DNAH6: variants seen among roughly 807,000 people sequenced by gnomAD.
DNAH6 encodes axonemal beta dynein heavy chain 6.
A neutral mutation model predicts 491.4 loss-of-function variants in DNAH6; 340 were observed. The ratio of observed to expected loss-of-function variants is 0.69; its 90% CI spans 0.63 to 0.76. DNAH6 has a LOEUF of 0.76. Among genes scored for constraint, DNAH6 ranks in the 30% least tolerant of loss-of-function variants. The probability of loss-of-function intolerance (pLI) is 0.00; values close to 1 mark genes in which losing one functional copy is unlikely to be tolerated. For missense variants in DNAH6, 4,443 were observed against 4,972.2 expected, an observed-to-expected ratio of 0.89 and a Z score of 3.20; for synonymous variants, 1,603 against 1,686.1, an observed-to-expected ratio of 0.95 and a Z score of 1.21.
At position 84,720,167 on chromosome 2, in the gene DNAH6, A is replaced by G. The variant is rs148051005; in HGVS notation, c.9792+1783A>G. Among the ~76,000 whole-genome samples the G allele has an allele frequency of 5.6e-3, 852 of 151,836 alleles. 9 individuals carry two copies. Among genetic ancestry groups the G allele is most frequent in the African/African-American group, 0.02 (808 of 41,388 alleles). On this transcript the variant is annotated intron_variant, in intron 59 of 76. Coordinates refer to ENST00000389394, the MANE Select transcript of DNAH6 (RefSeq NM_001370.2). ...TCTATTTTTTCTGCCAGGGTGAGAA[A>G]GGGACAAACCCCTGGCCATGGGTGG...
chr2:84,728,359 C>G (rs1162096091), intron 61 of DNAH6, among the ~76,000 whole-genome samples: 1 of 152,210 alleles, frequency 6.6e-6, no homozygotes, highest in African/African-American at 2.4e-5. Flanking sequence ...TGTGGTGACT[C>G]TGGTGGCCGA....
chr2:84,640,570 C>A lies in DNAH6; in HGVS notation c.4962C>A (p.Val1654=). 1 of 1,545,830 alleles carries A rather than the reference C, an allele frequency of 6.5e-7. No individual in the cohort carries two copies. The highest frequency in any genetic ancestry group is 1.2e-5 in the South Asian group (1 of 82,436). ...TGAGAGCTGTGAAGTCTGTCCTGGTCATGGCTGGGTAAGAAACCAAAGTAG... is the reference window on the plus strand; with the variant it reads ...TGAGAGCTGTGAAGTCTGTCCTGGTAATGGCTGGGTAAGAAACCAAAGTAG... ...FGMRAVKSVL[V]MAGSLKRENP... Residue 1654 remains valine, a synonymous_variant, in exon 32 of 77, where the codon GTC becomes GTA. Coordinates refer to ENST00000389394, the MANE Select transcript of DNAH6 (RefSeq NM_001370.2).
the DNAH6 span, among the ~76,000 whole-genome samples, chr2:84,479,267 C>T: frequency 6.6e-6 from 1 of 152,170 alleles, no homozygotes. Flanking sequence ...CTTTGGGCTG[C>T]AGTATTAGAC....
intron 64 of DNAH6, among the ~76,000 whole-genome samples, chr2:84,775,672 T>C (rs1471617337): frequency 6.6e-6 from 1 of 152,174 alleles, no homozygotes; most frequent in African/African-American, 2.4e-5. Flanking sequence ...TTATTCCCAA[T>C]TCAATTTCAT....
intron 47 of DNAH6, among the ~76,000 whole-genome samples, chr2:84,699,324 TCA>T (rs1482454555): frequency 3.9e-5 from 6 of 152,158 alleles, no homozygotes; most frequent in African/African-American, 1.4e-4. Context: ...GGCCCTTTAT[TCA>T]AAGGATCTCC....
At chr2:84,617,072 A>G (rs1309873399) in intron 23 of DNAH6, 90 bp downstream of exon 23, 10 of 687,302 alleles carry the variant, frequency 1.5e-5, no homozygotes, top group African/African-American at 1.9e-5. Flanking sequence ...AGCATGAAGG[A>G]ACTAGAGAGA....
rs377654226 is a variant in DNAH6, at chr2:84,642,024, A to G, written c.5048A>G (p.Lys1683Arg). 1.4e-5 allele frequency: 22 copies of G among 1,550,822 alleles called. No individual in the cohort carries two copies. The African/African-American group carries it at 2.9e-4, about 20-fold the overall frequency. ...GCTTTACAAGACTCCAATTTGCCAA[A>G]ATTTCTAACAGATGATGCTCTTCTG... ...IRALQDSNLP[K>R]FLTDDALLFS... The change falls in exon 33 of 77, where the codon AAA (lysine) becomes AGA (arginine). Residue 1683 changes from lysine (K) to arginine (R), a missense_variant. Transcript: ENST00000389394.
At chr2:84,693,505 A>C (rs1464544887) in intron 45 of DNAH6, among the ~76,000 whole-genome samples, 1 of 152,070 alleles carries the variant, frequency 6.6e-6, no homozygotes, top group Non-Finnish European at 1.5e-5. Context: ...GTACTTTGGG[A>C]GGCCAAGGCA....
chr2:84,672,218 C>T, intron 39 of DNAH6, 109 bp from the exon 40 acceptor site: 4 of 1,149,516 alleles, frequency 3.5e-6, no homozygotes, highest in Non-Finnish European at 4.8e-6. Flanking sequence ...GAACTGAGCT[C>T]TTTATGACCT....
At chr2:84,622,970 A>G (rs1265997101) in intron 26 of DNAH6, among the ~76,000 whole-genome samples, 1 of 152,070 alleles carries the variant, frequency 6.6e-6, no homozygotes, top group Non-Finnish European at 1.5e-5. Flanking sequence ...AGCCCTTTAT[A>G]TGTCTTTTTC....
upstream of DNAH6, among the ~76,000 whole-genome samples, chr2:84,514,671 T>C (rs548127909): frequency 2.0e-5 from 3 of 152,238 alleles, no homozygotes; most frequent in South Asian, 6.2e-4. Context: ...CAATTATCTA[T>C]AAGAACTATA....
rs1696923662 is a variant in DNAH6 at position 84,710,422 on chromosome 2, T to C, written c.9378+10T>C. 6.4e-7 allele frequency: 1 copy of C among 1,551,496 alleles called. No individual in the cohort carries two copies. Among genetic ancestry groups the C allele is most frequent in the East Asian group, 2.4e-5 (1 of 40,898 alleles). On this transcript the variant is annotated intron_variant, in intron 56 of 76. Transcript: ENST00000389394. ...TGTCTTACTGGAAGAGGTTTGATTT[T>C]CACTTCCTTTTCTCATGTCAGTTCC...
chr2:84,609,069 C>T (rs1209420354), intron 21 of DNAH6, among the ~76,000 whole-genome samples: 1 of 152,198 alleles, frequency 6.6e-6, no homozygotes. Flanking sequence ...TCCACAGCTT[C>T]CTCACCTCTC....
intron 60 of DNAH6, among the ~76,000 whole-genome samples, chr2:84,724,703 C>T (rs1033825005): frequency 2.0e-5 from 3 of 152,184 alleles, no homozygotes; most frequent in African/African-American, 7.2e-5. Flanking sequence ...TGGGCTGTCA[C>T]TCATGGCACC....
At chr2:84,500,370 A>G in the DNAH6 span, among the ~76,000 whole-genome samples, 9 of 152,226 alleles carry the variant, frequency 5.9e-5, no homozygotes, top group East Asian at 3.9e-4. Context: ...TGGGTTCTCT[A>G]TTCTGTTCCA....
intron 38 of DNAH6, among the ~76,000 whole-genome samples, 200 bp downstream of exon 38, chr2:84,669,710 G>A (rs184270679): frequency 6.6e-6 from 1 of 152,176 alleles, no homozygotes; most frequent in African/African-American, 2.4e-5. Context: ...ACACATTCTT[G>A]GAGTTGATAC....
the DNAH6 span, among the ~76,000 whole-genome samples, chr2:84,510,230 G>T: frequency 1.3e-5 from 2 of 152,126 alleles, no homozygotes; most frequent in Non-Finnish European, 2.9e-5. Context: ...CGTAGATTTG[G>T]TCTTTTCACA....
chr2:84,676,890 C>G, intron 40 of DNAH6, 115 bp from the exon 41 acceptor site: 4 of 1,173,724 alleles, frequency 3.4e-6, no homozygotes, highest in Non-Finnish European at 4.8e-6. Flanking sequence ...AGTCATTTAA[C>G]ATGCACAAAA....
chr2:84,747,067 C>A (rs567005477), intron 63 of DNAH6, among the ~76,000 whole-genome samples: 92 of 152,296 alleles, frequency 6.0e-4, no homozygotes, highest in South Asian at 3.9e-3. Context: ...TATTGGGGAT[C>A]ACATTTCGAC....
Sources: allele counts gnomAD v4.1 joint callset (sites outside exome capture counted in the v4.1 genomes callset), GRCh38; gene constraint gnomAD v4.1.1; transcripts MANE v1.5; gene names NCBI Gene and HGNC (gene_info 2026-07-23, HGNC 2026-07-21).